ADGRL3: variants seen among roughly 807,000 people sequenced by gnomAD.
ADGRL3 encodes calcium-independent alpha-latrotoxin receptor 3.
In ADGRL3, 62 loss-of-function variants were observed where a neutral mutation model predicts 153.5. The observed-to-expected ratio is 0.40, with a 90% CI of 0.33 to 0.50. ADGRL3 has a LOEUF of 0.50. Among genes scored for constraint, ADGRL3 ranks in the 20% least tolerant of loss-of-function variants. The probability of loss-of-function intolerance (pLI) is 0.47; values close to 1 mark genes in which losing one functional copy is unlikely to be tolerated. For synonymous variants in ADGRL3, 710 were observed against 672.5 expected (o/e 1.06, Z -0.86); for missense variants, 1,641 against 1,859.4 (o/e 0.88, Z 2.16).
chr4:61,518,616 A>G (rs1353703774), intron 4 of ADGRL3, among the ~76,000 whole-genome samples: 1 of 152,206 alleles, frequency 6.6e-6, no homozygotes, highest in Non-Finnish European at 1.5e-5. Context: ...GAGTAAGAGC[A>G]TGTGTAACTT....
intron 18 of ADGRL3, 119 bp downstream of exon 18, chr4:61,979,891 A>C: frequency 1.1e-6 from 1 of 880,520 alleles, no homozygotes; most frequent in South Asian, 1.7e-5. Flanking sequence ...TAAGATAGAT[A>C]CTAATTTTCA....
chr4:61,916,737 G>T (rs888145071), intron 13 of ADGRL3, among the ~76,000 whole-genome samples: 1 of 152,110 alleles, frequency 6.6e-6, no homozygotes, highest in Non-Finnish European at 1.5e-5. Flanking sequence ...CAGATCACTT[G>T]AGACCAGGAG....
At chr4:61,770,674 G>A (rs1020233738) in intron 8 of ADGRL3, among the ~76,000 whole-genome samples, 1 of 152,102 alleles carries the variant, frequency 6.6e-6, no homozygotes, top group African/African-American at 2.4e-5. Flanking sequence ...GACTCAATTT[G>A]TAAGACAATG....
chr4:62,039,014 A>C (rs1303613833), intron 24 of ADGRL3, among the ~76,000 whole-genome samples: 1 of 152,160 alleles, frequency 6.6e-6, no homozygotes, highest in Non-Finnish European at 1.5e-5. Context: ...TAAACTTATA[A>C]ATCAAGAATT....
intron 13 of ADGRL3, among the ~76,000 whole-genome samples, chr4:61,928,458 C>G (rs1332548728): frequency 6.6e-6 from 1 of 152,092 alleles, no homozygotes; most frequent in Non-Finnish European, 1.5e-5. Flanking sequence ...GTTTCTAGAT[C>G]TGTTTTGTGC....
chr4:61,757,195 G>T (rs2096845123), intron 8 of ADGRL3, among the ~76,000 whole-genome samples: 1 of 152,158 alleles, frequency 6.6e-6, no homozygotes, highest in South Asian at 2.1e-4. Context: ...AGAAGGCATG[G>T]TACCAGCTCC....
At chr4:61,772,500 G>A (rs1368427250) in intron 8 of ADGRL3, among the ~76,000 whole-genome samples, 2 of 152,094 alleles carry the variant, frequency 1.3e-5, no homozygotes, top group African/African-American at 4.8e-5. Context: ...AGTTTTACAC[G>A]ACATGAGAGA....
At chr4:61,935,111 T>C in intron 14 of ADGRL3, 88 bp downstream of exon 14, 1 of 1,045,220 alleles carries the variant, frequency 9.6e-7, no homozygotes, top group Non-Finnish European at 1.4e-6. Context: ...GTCCTAGATA[T>C]GAGTGATGCT....
intron 8 of ADGRL3, among the ~76,000 whole-genome samples, chr4:61,786,397 CA>C (rs2097275820): frequency 6.6e-6 from 1 of 152,014 alleles, no homozygotes; most frequent in Non-Finnish European, 1.5e-5. Flanking sequence ...TGACTCTTGC[CA>C]AAAATGAACA....
At chr4:61,381,293 T>TTGTTTG (rs2096664630) in intron 1 of ADGRL3, among the ~76,000 whole-genome samples, 1 of 141,374 alleles carries the variant, frequency 7.1e-6, no homozygotes, top group Non-Finnish European at 1.5e-5. Context: ...ATAAACAAGT[T>TTGTTTG]TGTGTGTGTG....
At chr4:61,819,113 T>C (rs1313910695) in intron 9 of ADGRL3, among the ~76,000 whole-genome samples, 1 of 152,202 alleles carries the variant, frequency 6.6e-6, no homozygotes, top group Non-Finnish European at 1.5e-5. Flanking sequence ...CTATTGTTGA[T>C]ATGTATATGC....
chr4:61,847,034 T>C (rs1324314874), intron 9 of ADGRL3, among the ~76,000 whole-genome samples: 2 of 151,442 alleles, frequency 1.3e-5, no homozygotes, highest in East Asian at 1.9e-4. Context: ...AAACAACTCC[T>C]CACTGGGCCC....
intron 3 of ADGRL3, among the ~76,000 whole-genome samples, chr4:61,510,466 T>G (rs1282857658): frequency 1.3e-5 from 2 of 152,194 alleles, no homozygotes; most frequent in South Asian, 2.1e-4. Flanking sequence ...GTTTCATTAT[T>G]TTGCATACAT....
At chr4:61,237,743 T>A (rs578020405) in intron 1 of ADGRL3, among the ~76,000 whole-genome samples, 1 of 152,220 alleles carries the variant, frequency 6.6e-6, no homozygotes, top group Non-Finnish European at 1.5e-5. Flanking sequence ...AACTGCAACA[T>A]TTATTTTGAA....
chr4:61,986,860 A>G (rs949590609), intron 19 of ADGRL3, among the ~76,000 whole-genome samples: 1 of 152,168 alleles, frequency 6.6e-6, no homozygotes, highest in Non-Finnish European at 1.5e-5. Flanking sequence ...GCAATCCAAC[A>G]TCTATACAGT....
At chr4:61,576,344 A>G (rs1309384281) in intron 4 of ADGRL3, among the ~76,000 whole-genome samples, 1 of 151,712 alleles carries the variant, frequency 6.6e-6, no homozygotes, top group African/African-American at 2.4e-5. Flanking sequence ...TATTTTGCCT[A>G]GAATTGATGG....
At chr4:61,414,704 A>G (rs185201201) in intron 2 of ADGRL3, among the ~76,000 whole-genome samples, 33 of 152,040 alleles carry the variant, frequency 2.2e-4, no homozygotes, top group South Asian at 2.1e-3. Flanking sequence ...TATCAAATCA[A>G]AGAGGTATAT....
At chr4:61,679,426 T>C (rs941161158) in intron 6 of ADGRL3, among the ~76,000 whole-genome samples, 1 of 152,036 alleles carries the variant, frequency 6.6e-6, no homozygotes, top group Admixed American at 6.6e-5. Context: ...AAAAGCTAGG[T>C]CCTTTTCCTG....
intron 8 of ADGRL3, among the ~76,000 whole-genome samples, chr4:61,736,344 C>T (rs1580522163): frequency 6.6e-6 from 1 of 152,020 alleles, no homozygotes; most frequent in Non-Finnish European, 1.5e-5. Flanking sequence ...GTACTAGTGC[C>T]GATATTTGTT....
Sources: allele counts gnomAD v4.1 joint callset (sites outside exome capture counted in the v4.1 genomes callset), GRCh38; gene constraint gnomAD v4.1.1; transcripts MANE v1.5; gene names NCBI Gene and HGNC (gene_info 2026-07-23, HGNC 2026-07-21).